The following HS3ST2 variants were observed in gnomAD, a reference collection of about 807,000 sequenced individuals.
HS3ST2 encodes the protein heparan sulfate-glucosamine 3-sulfotransferase 2.
HS3ST2 carries 17 observed loss-of-function variants against 26.3 expected under a neutral mutation model. That is an observed-to-expected ratio of 0.65 (90% CI 0.44 to 0.97). The LOEUF (loss-of-function observed/expected upper bound fraction) is 0.97. HS3ST2 is among the 50% of genes least tolerant of loss of function. The pLI, the probability that HS3ST2 is intolerant of heterozygous loss-of-function variation, is 0.00. For synonymous variants in HS3ST2, 237 were observed against 219.2 expected (o/e 1.08, Z -0.72); for missense variants, 402 against 501.2 (o/e 0.80, Z 1.89).
intron 1 of HS3ST2, among the ~76,000 whole-genome samples, chr16:22,854,453 A>G (rs933880820): frequency 1.3e-4 from 20 of 151,874 alleles, no homozygotes; most frequent in African/African-American, 3.6e-4. Flanking sequence ...TATTACTTCT[A>G]TTGTACTTGT....
intron 1 of HS3ST2, among the ~76,000 whole-genome samples, chr16:22,874,863 G>A (rs1901891580): frequency 6.6e-6 from 1 of 152,168 alleles, no homozygotes; most frequent in Non-Finnish European, 1.5e-5. Flanking sequence ...AAAGTGGTCA[G>A]GACTCCTCTG....
intron 1 of HS3ST2, among the ~76,000 whole-genome samples, chr16:22,883,580 G>T (rs549998065): frequency 3.5e-4 from 54 of 152,212 alleles, no homozygotes; most frequent in Non-Finnish European, 7.2e-4. Flanking sequence ...TAATAACTAT[G>T]TAACTGGTTT....
chr16:22,869,698 A>G (rs1402246765), intron 1 of HS3ST2, among the ~76,000 whole-genome samples: 4 of 152,240 alleles, frequency 2.6e-5, no homozygotes, highest in Non-Finnish European at 5.9e-5. Flanking sequence ...ACCCGCCGCC[A>G]TAATTCAATC....
intron 1 of HS3ST2, among the ~76,000 whole-genome samples, chr16:22,899,336 A>G (rs1184458920): frequency 1.3e-5 from 2 of 152,212 alleles, no homozygotes; most frequent in African/African-American, 4.8e-5. Context: ...AGTGCTGGGC[A>G]GAATAGAAAA....
rs1191421212 is a variant in HS3ST2 at position 22,827,732 on chromosome 16, G to A, written c.485+12637G>A. ...TTTCTTTTTTTTTTTTTTTTTTTGA[G>A]ACAAGGTCTTGCTCTGTTGCCCATG... is the stretch of plus-strand genomic sequence containing the variant. On this transcript the variant is annotated intron_variant, in intron 1 of 1. Transcript: ENST00000261374. Among the ~76,000 whole-genome samples, 5 of 118,122 alleles carry A rather than the reference G, an allele frequency of 4.2e-5. No homozygotes were observed. The South Asian group carries it at 1.3e-3, about 31-fold the overall frequency. The allele number at this position is 118,122 out of a possible 152,430, so 77.5% of individuals were successfully genotyped here.
At chr16:22,826,026 GA>G (rs113174460) in intron 1 of HS3ST2, among the ~76,000 whole-genome samples, 1 of 151,034 alleles carries the variant, frequency 6.6e-6, no homozygotes, top group African/African-American at 2.4e-5. Context: ...TCCATCTCAG[GA>G]AAAAAAAATG....
intron 1 of HS3ST2, among the ~76,000 whole-genome samples, chr16:22,878,268 A>G (rs975162561): frequency 6.6e-6 from 1 of 152,198 alleles, no homozygotes; most frequent in African/African-American, 2.4e-5. Context: ...TAGAAGTTCA[A>G]CTTTTTAACA....
chr16:22,824,710 C>G (rs1332037385), intron 1 of HS3ST2, among the ~76,000 whole-genome samples: 1 of 152,088 alleles, frequency 6.6e-6, no homozygotes, highest in Non-Finnish European at 1.5e-5. Context: ...AAAAGAAGAC[C>G]CACTGCAGAA....
intron 1 of HS3ST2, among the ~76,000 whole-genome samples, chr16:22,844,955 C>T (rs867008755): frequency 4.6e-5 from 7 of 151,428 alleles, no homozygotes; most frequent in South Asian, 2.1e-4. Context: ...CCCAGGTTCA[C>T]GCCATTCTCT....
At chr16:22,835,509 T>C (rs564298817) in intron 1 of HS3ST2, among the ~76,000 whole-genome samples, 1 of 152,232 alleles carries the variant, frequency 6.6e-6, no homozygotes, top group South Asian at 2.1e-4. Context: ...AACAGGTAAA[T>C]CATATTATAA....
At chr16:22,913,864 TG>T (rs752555283) in intron 1 of HS3ST2, among the ~76,000 whole-genome samples, 18 of 152,038 alleles carry the variant, frequency 1.2e-4, no homozygotes, top group Non-Finnish European at 1.9e-4. Context: ...AAGCCAGGCA[TG>T]GTGGCTTACA....
At chr16:22,891,702 A>G (rs1902131935) in intron 1 of HS3ST2, among the ~76,000 whole-genome samples, 1 of 152,188 alleles carries the variant, frequency 6.6e-6, no homozygotes, top group Non-Finnish European at 1.5e-5. Flanking sequence ...ATGTCTCGCA[A>G]TAAAAAATGA....
chr16:22,898,875 G>A (rs1902243473), intron 1 of HS3ST2, among the ~76,000 whole-genome samples: 3 of 152,176 alleles, frequency 2.0e-5, no homozygotes, highest in Non-Finnish European at 4.4e-5. Context: ...GGAGCTTAAT[G>A]TATCCTGGTA....
intron 1 of HS3ST2, among the ~76,000 whole-genome samples, chr16:22,894,246 C>T (rs1375411898): frequency 5.9e-5 from 9 of 152,202 alleles, no homozygotes; most frequent in Admixed American, 5.9e-4. Context: ...AGCGTTCTAG[C>T]TTGGTGCCTC....
intron 1 of HS3ST2, among the ~76,000 whole-genome samples, chr16:22,882,554 C>T (rs556090405): frequency 1.3e-5 from 2 of 151,782 alleles, no homozygotes; most frequent in Admixed American, 6.6e-5. Flanking sequence ...GCCAGCATGA[C>T]GAAACCCTGT....
intron 1 of HS3ST2, among the ~76,000 whole-genome samples, chr16:22,887,700 G>A (rs1314534795): frequency 6.6e-6 from 1 of 151,840 alleles, no homozygotes; most frequent in African/African-American, 2.4e-5. Flanking sequence ...GGCATGCTTG[G>A]CCCATGAAGG....
At chr16:22,905,424 GTTT>G (rs766253100) in intron 1 of HS3ST2, among the ~76,000 whole-genome samples, 1 of 141,668 alleles carries the variant, frequency 7.1e-6, no homozygotes, top group East Asian at 2.1e-4. Context: ...TTTTGTGTTT[GTTT>G]TTTTTTTTTT....
At chr16:22,827,710 CT>C (rs34248118) in intron 1 of HS3ST2, among the ~76,000 whole-genome samples, 31,525 of 108,778 alleles carry the variant, frequency 0.29, 4,464 homozygotes, top group African/African-American at 0.42. Context: ...TTCTTTCTTT[CT>C]TTTTTTTTTT....
intron 1 of HS3ST2, among the ~76,000 whole-genome samples, chr16:22,890,636 T>C (rs1324029571): frequency 1.3e-5 from 2 of 152,132 alleles, no homozygotes; most frequent in Non-Finnish European, 2.9e-5. Flanking sequence ...ATTACAATAA[T>C]CCCAGGAGGT....
Sources: gnomAD v4.1 joint callset for allele counts (sites outside exome capture counted in the v4.1 genomes callset) on GRCh38, gnomAD v4.1.1 for gene constraint, MANE v1.5 for transcripts, NCBI Gene and HGNC (gene_info 2026-07-23, HGNC 2026-07-21) for gene names.